SGMS2: variants seen among roughly 807,000 people sequenced by gnomAD.
SGMS2 encodes sphingomyelin synthase 2.
A neutral mutation model predicts 43.8 loss-of-function variants in SGMS2; 21 were observed. That is an observed-to-expected ratio of 0.48 (90% confidence interval 0.34 to 0.69). The LOEUF (loss-of-function observed/expected upper bound fraction) is 0.69. SGMS2 is among the 30% of genes least tolerant of loss of function. The pLI, the probability that SGMS2 is intolerant of heterozygous loss-of-function variation, is 0.01. For missense variants in SGMS2, 384 were observed against 443.2 expected (o/e 0.87, Z 1.20); for synonymous variants, 167 against 160.6 (o/e 1.04, Z -0.30).
intron 1 of SGMS2, among the ~76,000 whole-genome samples, chr4:107,846,151 G>C (rs1290997663): frequency 6.6e-6 from 1 of 151,628 alleles, no homozygotes; most frequent in African/African-American, 2.4e-5. Context: ...TAGGGTACAT[G>C]TGCACAATGT....
upstream of SGMS2, chr4:107,824,620 G>T (rs1023658166): frequency 6.6e-6 from 1 of 152,252 alleles, no homozygotes; most frequent in African/African-American, 2.4e-5. Context: ...CCTTTCGGCC[G>T]GGAGCCAAAC....
chr4:107,882,756 T>C (rs376515610), intron 2 of SGMS2, among the ~76,000 whole-genome samples: 2 of 152,182 alleles, frequency 1.3e-5, no homozygotes, highest in East Asian at 3.8e-4. Context: ...GTTTTCTTTT[T>C]TAAGGTCTAA....
chr4:107,913,426 G>C lies in SGMS2; in HGVS notation c.*2873G>C, dbSNP rs532746033. The C allele has an allele frequency of 6.6e-6, 1 of 152,226 alleles. No homozygotes were observed. Among genetic ancestry groups the C allele is most frequent in the Non-Finnish European group, 1.5e-5 (1 of 68,016 alleles). The allele number at this position is 152,226 out of a possible 1,614,324, so 9.4% of individuals were successfully genotyped here. A position where few individuals can be genotyped will look rare whatever the true frequency, so the allele number is the denominator to read the frequency against. On this transcript the variant is annotated 3_prime_UTR_variant, in exon 7 of 7. Transcript: ENST00000690982. ...CAGGAAGGCTGTTTTGAGAGTGAGC[G>C]TTGAGTCTACTCTGGTTTGTGGATG...
intron 4 of SGMS2, among the ~76,000 whole-genome samples, chr4:107,900,650 A>G (rs1483497742): frequency 6.6e-6 from 1 of 151,908 alleles, no homozygotes; most frequent in Non-Finnish European, 1.5e-5. Context: ...ATCATCTCGG[A>G]CTTCAGTGCA....
chr4:107,911,572 A>T lies in SGMS2; in HGVS notation c.*1019A>T, dbSNP rs1386513616. On this transcript the variant is annotated 3_prime_UTR_variant, in exon 7 of 7. Transcript: ENST00000690982. Reference sequence around the variant, plus strand: ...TTTCTTCCTTTTTCTGTTGTACTTTATGGAAAAACCAAGATGGAACCTGAA... The same window carrying T: ...TTTCTTCCTTTTTCTGTTGTACTTTTTGGAAAAACCAAGATGGAACCTGAA... 1 of 152,222 alleles carries T rather than the reference A, an allele frequency of 6.6e-6. No homozygotes were observed. The highest frequency in any genetic ancestry group is 1.5e-5 in the Non-Finnish European group (1 of 68,030). 9.4% of individuals were successfully genotyped at this position (152,222 alleles called of 1,614,324 possible). A position where few individuals can be genotyped will look rare whatever the true frequency, so the allele number is the denominator to read the frequency against.
chr4:107,857,406 C>G (rs1430115027), intron 1 of SGMS2, among the ~76,000 whole-genome samples: 1 of 151,918 alleles, frequency 6.6e-6, no homozygotes, highest in Non-Finnish European at 1.5e-5. Context: ...TCTTGAGTTT[C>G]TTCCAAGAGT....
Position 107,899,712 on chromosome 4 carries a change from C to T in SGMS2, c.573+20C>T. ...CCAAAGGTCAGTACCTCCAAACTGC[C>T]ACTTAGAAGAAATCAGGCAAACAGT... On this transcript the variant is annotated intron_variant, in intron 4 of 6. Coordinates refer to ENST00000690982, the MANE Select transcript of SGMS2 (RefSeq NM_001375905.1). 2 of 1,539,894 alleles carry T rather than the reference C, an allele frequency of 1.3e-6. No homozygotes were observed. Among genetic ancestry groups the T allele is most frequent in the Non-Finnish European group, 8.9e-7 (1 of 1,118,258 alleles).
chr4:107,890,860 C>T (rs915775148), intron 2 of SGMS2, among the ~76,000 whole-genome samples: 1 of 151,944 alleles, frequency 6.6e-6, no homozygotes, highest in Non-Finnish European at 1.5e-5. Context: ...CCATATTTCA[C>T]GAACTAGGAC....
intron 1 of SGMS2, among the ~76,000 whole-genome samples, chr4:107,835,068 T>G (rs975972375): frequency 2.7e-5 from 4 of 147,528 alleles, no homozygotes; most frequent in Non-Finnish European, 4.5e-5. Flanking sequence ...ATAGATGGGG[T>G]TTTTTTTTTA....
chr4:107,856,478 A>T (rs1727433646), intron 1 of SGMS2, among the ~76,000 whole-genome samples: 1 of 152,208 alleles, frequency 6.6e-6, no homozygotes, highest in South Asian at 2.1e-4. Context: ...CCATATTAGA[A>T]ATATCATTAA....
chr4:107,839,699 A>G (rs983565387), intron 1 of SGMS2, among the ~76,000 whole-genome samples: 2 of 152,170 alleles, frequency 1.3e-5, no homozygotes, highest in African/African-American at 4.8e-5. Context: ...ATTGGAGATT[A>G]ATACCCTATT....
At chr4:107,909,996 C>T (rs1333006429) in intron 6 of SGMS2, among the ~76,000 whole-genome samples, 1 of 152,082 alleles carries the variant, frequency 6.6e-6, no homozygotes, top group Non-Finnish European at 1.5e-5. Flanking sequence ...TAAATGTGTT[C>T]AACTTCTGAG....
chr4:107,826,310 A>T (rs1425418661), intron 1 of SGMS2, among the ~76,000 whole-genome samples: 1 of 152,234 alleles, frequency 6.6e-6, no homozygotes, highest in Non-Finnish European at 1.5e-5. Context: ...TGTCCTCCTT[A>T]TAAGCCTGGT....
intron 1 of SGMS2, among the ~76,000 whole-genome samples, chr4:107,838,269 A>G (rs532369435): frequency 2.0e-5 from 3 of 152,252 alleles, no homozygotes; most frequent in Non-Finnish European, 4.4e-5. Flanking sequence ...TGAGAACACA[A>G]TGTTTGTTGG....
intron 2 of SGMS2, among the ~76,000 whole-genome samples, chr4:107,870,946 T>C (rs1487457649): frequency 6.6e-6 from 1 of 152,214 alleles, no homozygotes; most frequent in Non-Finnish European, 1.5e-5. Flanking sequence ...ACTATAAAAT[T>C]ACATCTTTTA....
chr4:107,904,237 T>G (rs981088244), intron 5 of SGMS2, among the ~76,000 whole-genome samples: 2 of 152,190 alleles, frequency 1.3e-5, no homozygotes, highest in African/African-American at 4.8e-5. Context: ...TAGTTCCAAG[T>G]TACCTCATGG....
chr4:107,864,873 G>A (rs534194755), intron 2 of SGMS2, among the ~76,000 whole-genome samples: 1 of 152,226 alleles, frequency 6.6e-6, no homozygotes, highest in African/African-American at 2.4e-5. Flanking sequence ...TCCTATAAGT[G>A]TATGTTGGTT....
chr4:107,897,234 C>T (rs1730745078), intron 3 of SGMS2, among the ~76,000 whole-genome samples: 1 of 152,210 alleles, frequency 6.6e-6, no homozygotes, highest in South Asian at 2.1e-4. Flanking sequence ...CCACAAACTG[C>T]AGTCATTCCT....
At chr4:107,861,763 A>G (rs1465562038) in intron 2 of SGMS2, among the ~76,000 whole-genome samples, 3 of 152,228 alleles carry the variant, frequency 2.0e-5, no homozygotes, top group Non-Finnish European at 4.4e-5. Context: ...CCCATTTTAT[A>G]GTTGTTAAAA....
Sources: allele counts gnomAD v4.1 joint callset (sites outside exome capture counted in the v4.1 genomes callset), GRCh38; gene constraint gnomAD v4.1.1; transcripts MANE v1.5; gene names NCBI Gene and HGNC (gene_info 2026-07-23, HGNC 2026-07-21).